The following FYN variants were observed in gnomAD, a reference collection of about 807,000 sequenced individuals.
FYN encodes the protein tyrosine-protein kinase Fyn.
A neutral mutation model predicts 70.2 loss-of-function variants in FYN; 10 were observed. That is an observed-to-expected ratio of 0.14 (90% CI 0.09 to 0.24). The LOEUF (loss-of-function observed/expected upper bound fraction) is 0.24. Ranked by LOEUF, FYN falls within the 10% of genes least tolerant of loss-of-function variation. The pLI, the probability that FYN is intolerant of heterozygous loss-of-function variation, is 1.00. For synonymous variants in FYN, 236 were observed against 248.6 expected (o/e 0.95, Z 0.48); for missense variants, 319 against 673.1 (o/e 0.47, Z 5.82).
At position 111,694,018 on chromosome 6, in the gene FYN, TA is replaced by T. The variant is rs1360981095; in HGVS notation, c.1273+356del. Among the ~76,000 whole-genome samples the T allele has an allele frequency of 6.6e-6, 1 of 152,138 alleles. No homozygotes were observed. The highest frequency in any genetic ancestry group is 1.5e-5 in the Non-Finnish European group (1 of 68,024). On this transcript the variant is annotated intron_variant, in intron 12 of 13. Transcript: ENST00000354650. The surrounding 1 kb of genome is among the most constrained non-coding windows in gnomAD (Gnocchi z 5.0). ...TTCTGAAACCCTGCCTGTGCCTTTG[TA>T]AAAAACACAGGCATGTGAGAATGTG...
intron 1 of FYN, among the ~76,000 whole-genome samples, chr6:111,855,734 C>G (rs1163550006): frequency 6.6e-6 from 1 of 152,154 alleles, no homozygotes. Context: ...CTGTTCCAAA[C>G]TAGTTGGAAG....
At chr6:111,700,491 C>T (rs1394708496) in intron 8 of FYN, among the ~76,000 whole-genome samples, 1 of 152,128 alleles carries the variant, frequency 6.6e-6, no homozygotes, top group East Asian at 1.9e-4. Flanking sequence ...GATCAGACGC[C>T]ACACACGGAA....
At chr6:111,760,682 G>A (rs541403366) in intron 3 of FYN, among the ~76,000 whole-genome samples, 18 of 152,318 alleles carry the variant, frequency 1.2e-4, no homozygotes, top group Non-Finnish European at 2.1e-4. Context: ...CGGAGCCCAG[G>A]CTGCAATTAG....
intron 3 of FYN, among the ~76,000 whole-genome samples, chr6:111,775,782 C>A (rs1302147582): frequency 6.6e-6 from 1 of 152,152 alleles, no homozygotes; most frequent in African/African-American, 2.4e-5. Flanking sequence ...AGGATCTGTG[C>A]GTTTAATGAG....
intron 2 of FYN, among the ~76,000 whole-genome samples, chr6:111,823,291 G>T (rs1026139061): frequency 6.6e-6 from 1 of 152,282 alleles, no homozygotes; most frequent in Middle Eastern, 3.4e-3. Context: ...CCCAGCCGTG[G>T]CTGCTGAGAG....
intron 9 of FYN, among the ~76,000 whole-genome samples, chr6:111,698,727 T>G (rs1389409008): frequency 1.3e-5 from 2 of 152,162 alleles, no homozygotes; most frequent in Non-Finnish European, 2.9e-5. Flanking sequence ...CTACTGAATA[T>G]CTACTATCTG....
Position 111,769,776 on chromosome 6 carries a change from C to T in FYN, c.-12+10790G>A, listed in dbSNP as rs559236959. 4.6e-5 allele frequency among the ~76,000 whole-genome samples: 7 copies of T among 152,152 alleles called. No individual in the cohort carries two copies. In the South Asian group the frequency reaches 1.2e-3, roughly 27 times the overall value. On this transcript the variant is annotated intron_variant, in intron 3 of 13. Transcript: ENST00000354650. ...GGCTTTGAAAAATGCCAATGAATTA[C>T]TTCTAAGAGAAAGAAAATTATGGAA...
chr6:111,703,826 G>A (rs1799949083), intron 7 of FYN, among the ~76,000 whole-genome samples, 173 bp downstream of exon 7: 1 of 152,184 alleles, frequency 6.6e-6, no homozygotes, highest in Non-Finnish European at 1.5e-5. Flanking sequence ...TTCTTTTGGT[G>A]CTGTCTGCAG....
chr6:111,833,542 C>A (rs1044090058), intron 2 of FYN, among the ~76,000 whole-genome samples: 4 of 152,126 alleles, frequency 2.6e-5, no homozygotes, highest in Non-Finnish European at 5.9e-5. Context: ...TGTTTCCATA[C>A]CCGTAGATAC....
rs183200763 is a variant in FYN at position 111,871,834 on chromosome 6, A to G, written c.-123+1134T>C. On this transcript the variant is annotated intron_variant, in intron 1 of 13. Coordinates refer to ENST00000354650, the MANE Select transcript of FYN (RefSeq NM_002037.5). ...AACTGTTCCCTTAAATCTAAGAAAC[A>G]CTGCAGCTGCCAGTCAACACTACCG... Among the ~76,000 whole-genome samples, 918 of 152,340 alleles carry G rather than the reference A, an allele frequency of 6.0e-3. 30 individuals carry two copies. Among genetic ancestry groups the G allele is most frequent in the Admixed American group, 0.053 (807 of 15,300 alleles).
intron 1 of FYN, among the ~76,000 whole-genome samples, chr6:111,856,015 C>T (rs1773814688): frequency 6.6e-6 from 1 of 152,018 alleles, no homozygotes; most frequent in Non-Finnish European, 1.5e-5. Flanking sequence ...TATTCCGTAC[C>T]AGAATGGAGT....
At chr6:111,673,619 A>ATTTTTTTTTTTTTTTTTTTTTT (rs1184612877) in intron 13 of FYN, among the ~76,000 whole-genome samples, 1 of 65,010 alleles carries the variant, frequency 1.5e-5, no homozygotes. Flanking sequence ...CGTTTCTATC[A>ATTTTTTTTTTTTTTTTTTTTTT]TTGTTTTTTT....
chr6:111,864,831 T>C (rs1231451443), intron 1 of FYN, among the ~76,000 whole-genome samples: 1 of 152,210 alleles, frequency 6.6e-6, no homozygotes, highest in African/African-American at 2.4e-5. Context: ...AGTTATTAGC[T>C]GTGTGACCAT....
At chr6:111,724,244 C>CA (rs1801087806) in intron 3 of FYN, among the ~76,000 whole-genome samples, 1 of 152,164 alleles carries the variant, frequency 6.6e-6, no homozygotes, top group African/African-American at 2.4e-5. Flanking sequence ...ATCAACAGAT[C>CA]ACAGCCCTTT....
chr6:111,743,463 G>T (rs555081742), intron 3 of FYN, among the ~76,000 whole-genome samples: 1 of 152,130 alleles, frequency 6.6e-6, no homozygotes, highest in Non-Finnish European at 1.5e-5. Flanking sequence ...TAATTCTGGC[G>T]ACCGCATCAG....
intron 3 of FYN, among the ~76,000 whole-genome samples, chr6:111,730,587 C>CT (rs1801403225): frequency 6.6e-6 from 1 of 152,132 alleles, no homozygotes; most frequent in South Asian, 2.1e-4. Flanking sequence ...GGAAGGGGGC[C>CT]TGCCCTCGCT....
At chr6:111,835,297 A>C (rs1773144900) in intron 2 of FYN, among the ~76,000 whole-genome samples, 1 of 152,256 alleles carries the variant, frequency 6.6e-6, no homozygotes, top group Admixed American at 6.5e-5. Context: ...TCTGCATTGT[A>C]ACATGAAAAC....
intron 2 of FYN, among the ~76,000 whole-genome samples, chr6:111,817,818 A>G (rs1267276865): frequency 1.3e-5 from 2 of 152,262 alleles, no homozygotes; most frequent in African/African-American, 4.8e-5. Flanking sequence ...AGGATAAAAT[A>G]TAAGTATCCC....
intron 1 of FYN, among the ~76,000 whole-genome samples, chr6:111,857,753 T>C (rs1416905309): frequency 2.0e-5 from 3 of 152,234 alleles, no homozygotes; most frequent in Admixed American, 1.3e-4. Context: ...GTTAAAACTT[T>C]AGTTGCTTCA....
Sources: gnomAD v4.1 joint callset for allele counts (sites outside exome capture counted in the v4.1 genomes callset) on GRCh38, gnomAD v4.1.1 for gene constraint, Gnocchi (gnomAD v3.1) non-coding constraint, MANE v1.5 for transcripts, NCBI Gene and HGNC (gene_info 2026-07-23, HGNC 2026-07-21) for gene names.